Variants in ARID5B observed in about 807,000 individuals in gnomAD.
The protein encoded by ARID5B is AT-rich interaction domain 5B, also known as AT-rich interactive domain-containing protein 5B.
In ARID5B, 13 loss-of-function variants were observed where a neutral mutation model predicts 97.2. That is an observed-to-expected ratio of 0.13 (90% CI 0.09 to 0.21). The LOEUF (loss-of-function observed/expected upper bound fraction) is 0.21. ARID5B is among the 10% of genes least tolerant of loss of function. The pLI is 1.00. For missense variants in ARID5B, 1,210 were observed against 1,465.3 expected (o/e 0.83, Z 2.84); for synonymous variants, 556 against 570.3 (o/e 0.97, Z 0.36).
intron 2 of ARID5B, among the ~76,000 whole-genome samples, chr10:61,904,443 T>C (rs1476756093): frequency 3.3e-5 from 5 of 152,220 alleles, no homozygotes; most frequent in Non-Finnish European, 7.3e-5. Flanking sequence ...AGTGAATAGA[T>C]ATATTTTTAA....
rs575117709 is a variant in ARID5B, at chr10:62,008,659, G to A, written c.733+8338G>A. Among the ~76,000 whole-genome samples the A allele has an allele frequency of 1.4e-4, 22 of 152,204 alleles. No individual in the cohort carries two copies. The South Asian group carries it at 4.3e-3, about 30-fold the overall frequency. ...TTGCCTCAGCCCTTGCTGTCCTTTG[G>A]TCTGTTTTTAACACCCCAGCCAGAG... On this transcript the variant is annotated intron_variant, in intron 4 of 9. Transcript: ENST00000279873.
In ARID5B at chr10:62,096,524, G is replaced by C. The variant is rs531088631; in HGVS notation, c.*3494G>C. On this transcript the variant is annotated 3_prime_UTR_variant, in exon 10 of 10. Transcript: ENST00000279873. Reference sequence around the variant, plus strand: ...TCCAGTGTTGGCTGTTAGTGTATTTGATATTCTGCCTGTCTCCTCATGGTT... The same window carrying C: ...TCCAGTGTTGGCTGTTAGTGTATTTCATATTCTGCCTGTCTCCTCATGGTT... 2 of 233,416 alleles carry C rather than the reference G, an allele frequency of 8.6e-6. No homozygotes were observed. The highest frequency in any genetic ancestry group is 6.0e-5 in the East Asian group (1 of 16,562). The allele number at this position is 233,416 out of a possible 1,614,324, so 14.5% of individuals were successfully genotyped here.
At chr10:62,035,906 G>A (rs1444351256) in intron 4 of ARID5B, among the ~76,000 whole-genome samples, 1 of 151,772 alleles carries the variant, frequency 6.6e-6, no homozygotes. Flanking sequence ...CTCACTTCAT[G>A]TTCTGCCTCC....
At chr10:62,068,399 G>A (rs942015992) in intron 7 of ARID5B, among the ~76,000 whole-genome samples, 1 of 151,994 alleles carries the variant, frequency 6.6e-6, no homozygotes, top group Non-Finnish European at 1.5e-5. Context: ...TGTTGAGAAG[G>A]GTTTATGAAA....
At chr10:61,921,269 C>T (rs1033763791) in intron 2 of ARID5B, among the ~76,000 whole-genome samples, 1 of 152,222 alleles carries the variant, frequency 6.6e-6, no homozygotes, top group Admixed American at 6.5e-5. Flanking sequence ...CTGAGTAAGG[C>T]TTAGCTGGGT....
At chr10:61,987,028 A>T (rs1589247278) in intron 3 of ARID5B, among the ~76,000 whole-genome samples, 1 of 152,214 alleles carries the variant, frequency 6.6e-6, no homozygotes. Flanking sequence ...CAAGAGGAAG[A>T]CATAGTGCTA....
intron 2 of ARID5B, among the ~76,000 whole-genome samples, chr10:61,903,221 C>T (rs1385679396): frequency 6.6e-6 from 1 of 151,954 alleles, no homozygotes; most frequent in African/African-American, 2.4e-5. Context: ...GCCCACTGGC[C>T]CTGCGGGTCC....
At chr10:61,902,451 A>T (rs746489782) in intron 2 of ARID5B, 38 bp downstream of exon 2, 9 of 1,604,924 alleles carry the variant, frequency 5.6e-6, no homozygotes, top group Non-Finnish European at 7.7e-6. Context: ...TTTCTTTATT[A>T]TTTTTCCCCC....
chr10:61,930,496 G>A (rs542862198), intron 2 of ARID5B, among the ~76,000 whole-genome samples: 31 of 151,948 alleles, frequency 2.0e-4, no homozygotes, highest in East Asian at 1.4e-3. Context: ...CGAGGCGGGC[G>A]GATCATGAGG....
In ARID5B at chr10:62,057,327, A is replaced by G; in HGVS notation, c.1048+9A>G. The G allele has an allele frequency of 6.2e-7, 1 of 1,608,142 alleles. No individual in the cohort carries two copies. The highest frequency in any genetic ancestry group is 1.7e-4 in the Middle Eastern group (1 of 6,002). ...TTTAGGTTTTAAACAGAGTGAGTATACTTGTTTTCGTTTCTGAATTATCAG... is the reference window on the plus strand; with the variant it reads ...TTTAGGTTTTAAACAGAGTGAGTATGCTTGTTTTCGTTTCTGAATTATCAG... On this transcript the variant is annotated intron_variant, in intron 6 of 9. Transcript: ENST00000279873.
intron 2 of ARID5B, among the ~76,000 whole-genome samples, chr10:61,908,818 A>AG (rs1843749198): frequency 6.7e-6 from 1 of 150,022 alleles, no homozygotes; most frequent in African/African-American, 2.5e-5. Flanking sequence ...AAAAAAAAAA[A>AG]AAAAGAAGAA....
chr10:61,964,976 A>G (rs558354771), intron 3 of ARID5B, among the ~76,000 whole-genome samples: 7 of 152,322 alleles, frequency 4.6e-5, no homozygotes, highest in Admixed American at 3.9e-4. Context: ...CAATAATAGA[A>G]ATATAAGCCT....
intron 3 of ARID5B, among the ~76,000 whole-genome samples, chr10:61,960,618 T>C (rs1015166243): frequency 6.6e-6 from 1 of 150,992 alleles, no homozygotes; most frequent in African/African-American, 2.4e-5. Flanking sequence ...CCTGCCTCCT[T>C]GAGCATGAGT....
At chr10:61,935,024 A>AG (rs1160280817) in intron 2 of ARID5B, among the ~76,000 whole-genome samples, 2 of 151,978 alleles carry the variant, frequency 1.3e-5, no homozygotes, top group African/African-American at 4.8e-5. Context: ...AAAAAAAAAA[A>AG]AAAAGATTAC....
intron 4 of ARID5B, among the ~76,000 whole-genome samples, chr10:62,032,923 A>G (rs753573832): frequency 1.4e-4 from 22 of 152,088 alleles, no homozygotes; most frequent in Non-Finnish European, 2.1e-4. Context: ...GGCTTGCTTA[A>G]AGTGAGATTT....
intron 3 of ARID5B, among the ~76,000 whole-genome samples, chr10:61,988,803 G>A (rs1247198814): frequency 6.6e-6 from 1 of 152,120 alleles, no homozygotes; most frequent in Non-Finnish European, 1.5e-5. Flanking sequence ...AGCCACCTGT[G>A]ACAACTAAGC....
chr10:62,067,289 GTCAGGCTGGTCTTGAACTCCCAACC>G (rs1307345675), intron 7 of ARID5B, among the ~76,000 whole-genome samples: 2 of 152,136 alleles, frequency 1.3e-5, no homozygotes. Context: ...CTCCATGTTG[GTCAGGCTGGTCTTGAACTCCCAACC>G]TCAGGTGATC....
At chr10:62,085,671 T>C (rs1403878210) in intron 8 of ARID5B, 31 bp from the exon 9 acceptor site, 6 of 1,564,070 alleles carry the variant, frequency 3.8e-6, no homozygotes, top group Non-Finnish European at 4.3e-6. Context: ...ATTACTCAAC[T>C]GACCGATCAT....
At chr10:62,058,766 T>C (rs1244091375) in intron 6 of ARID5B, among the ~76,000 whole-genome samples, 3 of 152,192 alleles carry the variant, frequency 2.0e-5, no homozygotes, top group African/African-American at 7.2e-5. Context: ...TTTAATATAG[T>C]GCTGCCATCA....
Sources: allele counts gnomAD v4.1 joint callset (sites outside exome capture counted in the v4.1 genomes callset), GRCh38; gene constraint gnomAD v4.1.1; transcripts MANE v1.5; gene names NCBI Gene and HGNC (gene_info 2026-07-23, HGNC 2026-07-21).